TCF7L2: variants seen among roughly 807,000 people sequenced by gnomAD.
TCF7L2 encodes transcription factor 7 like 2, also known as transcription factor 7-like 2.
A neutral mutation model predicts 77.9 loss-of-function variants in TCF7L2; 23 were observed. The ratio of observed to expected loss-of-function variants is 0.30; its 90% CI spans 0.21 to 0.42. TCF7L2 has a LOEUF of 0.42. TCF7L2 is among the 10% of genes least tolerant of loss of function. TCF7L2 has a pLI of 1.00. For synonymous variants in TCF7L2, 413 were observed against 340.2 expected, an observed-to-expected ratio of 1.21 and a Z score of -2.36; for missense variants, 654 against 793.1, an observed-to-expected ratio of 0.82 and a Z score of 2.11.
chr10:112,982,678 T>C (rs1487361289), intron 4 of TCF7L2, among the ~76,000 whole-genome samples: 3 of 152,184 alleles, frequency 2.0e-5, no homozygotes, highest in Non-Finnish European at 4.4e-5. Context: ...TGGAGTGCAG[T>C]GGTGCGATCT....
chr10:113,136,394 C>T (rs1194359727), intron 5 of TCF7L2, among the ~76,000 whole-genome samples: 2 of 152,090 alleles, frequency 1.3e-5, no homozygotes, highest in Non-Finnish European at 2.9e-5. Context: ...GTGGTATAAC[C>T]GTCTCGAAAT....
chr10:113,063,549 C>T (rs970080328), intron 5 of TCF7L2, among the ~76,000 whole-genome samples: 1 of 151,930 alleles, frequency 6.6e-6, no homozygotes, highest in African/African-American at 2.4e-5. Context: ...GAGATGGGAA[C>T]CTGGTGGACA....
intron 5 of TCF7L2, among the ~76,000 whole-genome samples, chr10:113,050,987 T>C (rs2054321110): frequency 6.6e-6 from 1 of 152,154 alleles, no homozygotes; most frequent in South Asian, 2.1e-4. Flanking sequence ...AGCTGACATC[T>C]GTCTCTACAC....
chr10:112,999,308 C>T (rs2044053732), intron 4 of TCF7L2, among the ~76,000 whole-genome samples: 1 of 152,246 alleles, frequency 6.6e-6, no homozygotes, highest in South Asian at 2.1e-4. Flanking sequence ...GGCTTGGAAG[C>T]CCCATCCCTG....
At chr10:113,018,831 G>A (rs980480284) in intron 4 of TCF7L2, among the ~76,000 whole-genome samples, 15 of 152,104 alleles carry the variant, frequency 9.9e-5, no homozygotes, top group Non-Finnish European at 1.6e-4. Context: ...GTGGACTGCC[G>A]GGATCTGTTT....
At chr10:112,984,536 G>GC (rs1327759242) in intron 4 of TCF7L2, among the ~76,000 whole-genome samples, 4 of 151,832 alleles carry the variant, frequency 2.6e-5, no homozygotes, top group Non-Finnish European at 2.9e-5. Context: ...TAATTGCATA[G>GC]CCCCCCACCC....
At chr10:113,013,852 C>A (rs889587006) in intron 4 of TCF7L2, among the ~76,000 whole-genome samples, 4 of 152,196 alleles carry the variant, frequency 2.6e-5, no homozygotes, top group African/African-American at 7.2e-5. Context: ...GGGAACCAAA[C>A]AACGCCCCAT....
chr10:113,035,952 C>T (rs546248966), intron 4 of TCF7L2, among the ~76,000 whole-genome samples: 1 of 152,264 alleles, frequency 6.6e-6, no homozygotes, highest in East Asian at 1.9e-4. Flanking sequence ...AAAAGTTTGC[C>T]AACCCTGCCC....
chr10:113,158,388 G>A (rs1261618349), intron 12 of TCF7L2, among the ~76,000 whole-genome samples: 4 of 151,938 alleles, frequency 2.6e-5, no homozygotes, highest in African/African-American at 4.8e-5. Flanking sequence ...CTTATTTTGT[G>A]TGTGCCTGAG....
At chr10:113,163,128 C>CT (rs2073453133) in intron 13 of TCF7L2, among the ~76,000 whole-genome samples, 1 of 152,086 alleles carries the variant, frequency 6.6e-6, no homozygotes, top group Non-Finnish European at 1.5e-5. Flanking sequence ...AGACCCATTG[C>CT]TCTGTCGCCA....
chr10:113,075,397 T>A (rs901513223), intron 5 of TCF7L2, among the ~76,000 whole-genome samples: 4 of 151,634 alleles, frequency 2.6e-5, no homozygotes, highest in Non-Finnish European at 5.9e-5. Context: ...AGGTGGAGTT[T>A]ACAGTGAGCT....
At chr10:113,096,867 G>A (rs543415608) in intron 5 of TCF7L2, among the ~76,000 whole-genome samples, 49 of 152,102 alleles carry the variant, frequency 3.2e-4, no homozygotes, top group Non-Finnish European at 4.7e-4. Context: ...GGAAAGCAAC[G>A]AAGACACCAG....
chr10:113,123,165 A>G (rs889805998), intron 5 of TCF7L2, among the ~76,000 whole-genome samples: 1 of 152,214 alleles, frequency 6.6e-6, no homozygotes, highest in Admixed American at 6.5e-5. Flanking sequence ...TAGCAGATCA[A>G]TAAGTTTCAA....
intron 5 of TCF7L2, among the ~76,000 whole-genome samples, chr10:113,109,756 G>A (rs945355328): frequency 2.0e-5 from 3 of 152,188 alleles, no homozygotes; most frequent in African/African-American, 7.2e-5. Context: ...GACATCTGGT[G>A]TTCAAGAGTT....
Position 113,136,242 on chromosome 10 carries a change from A to G in TCF7L2, c.553-4942A>G, listed in dbSNP as rs559758170. On this transcript the variant is annotated intron_variant, in intron 5 of 13. Coordinates refer to ENST00000627217, the MANE Select transcript of TCF7L2 (RefSeq NM_001146274.2). ...GGCACACAGACACAGAGCCCAAGGCACCATTAAACGGCGGCCACCCTGAGC... is the reference window on the plus strand; with the variant it reads ...GGCACACAGACACAGAGCCCAAGGCGCCATTAAACGGCGGCCACCCTGAGC... Among the ~76,000 whole-genome samples the G allele has an allele frequency of 1.2e-4, 18 of 152,320 alleles. No homozygotes were observed. In the East Asian group the frequency reaches 3.5e-3, roughly 29 times the overall value.
At chr10:112,968,656 G>T (rs2037547154) in intron 4 of TCF7L2, among the ~76,000 whole-genome samples, 1 of 152,032 alleles carries the variant, frequency 6.6e-6, no homozygotes, top group African/African-American at 2.4e-5. Context: ...TCGGCTCACT[G>T]CAACCTCCGC....
intron 5 of TCF7L2, among the ~76,000 whole-genome samples, chr10:113,103,966 T>C (rs1042230006): frequency 2.0e-5 from 3 of 152,190 alleles, no homozygotes; most frequent in African/African-American, 7.2e-5. Flanking sequence ...GCTCTGACTA[T>C]CAAAGCTACG....
chr10:113,143,949 G>A lies in TCF7L2; in HGVS notation c.712G>A (p.Asp238Asn), dbSNP rs768883254. 1.2e-6 allele frequency: 2 copies of A among 1,613,978 alleles called. No individual in the cohort carries two copies. Among genetic ancestry groups the A allele is most frequent in the South Asian group, 2.2e-5 (2 of 91,052 alleles). ...AATCCCACGGCCTCCGCACCCTCCA[G>A]ATATATCCCCGTATTACCCACTATC... is the stretch of plus-strand genomic sequence containing the variant. The change falls in exon 7 of 14, where the codon GAT (aspartate) becomes AAT (asparagine). Residue 238 changes from aspartate (D) to asparagine (N), a missense_variant. Transcript: ENST00000627217.
intron 5 of TCF7L2, among the ~76,000 whole-genome samples, chr10:113,123,791 G>GTACCTTGACGTGCGTGTGAACAAATGGGA (rs2065153419): frequency 6.6e-6 from 1 of 152,142 alleles, no homozygotes; most frequent in Non-Finnish European, 1.5e-5. Flanking sequence ...TCTTTGTAGC[G>GTACCTTGACGTGCGTGTGAACAAATGGGA]TACCTTGACG....
Sources: gnomAD v4.1 joint callset for allele counts (sites outside exome capture counted in the v4.1 genomes callset) on GRCh38, gnomAD v4.1.1 for gene constraint, MANE v1.5 for transcripts, NCBI Gene and HGNC (gene_info 2026-07-23, HGNC 2026-07-21) for gene names.